SRRM3: variants seen among roughly 807,000 people sequenced by gnomAD.
The protein encoded by SRRM3 is serine/arginine repetitive matrix protein 3.
SRRM3 carries 27 observed loss-of-function variants against 66.2 expected under a neutral mutation model. That is an observed-to-expected ratio of 0.41 (90% confidence interval 0.30 to 0.56). The LOEUF (loss-of-function observed/expected upper bound fraction) is 0.56, where lower values mean the gene tolerates loss of function less well. Among genes scored for constraint, SRRM3 ranks in the 20% least tolerant of loss-of-function variants. The probability of loss-of-function intolerance (pLI) is 0.32; values close to 1 mark genes in which losing one functional copy is unlikely to be tolerated. For missense variants in SRRM3, 918 were observed against 991.9 expected, an observed-to-expected ratio of 0.93 and a Z score of 1.00; for synonymous variants, 391 against 414.9, an observed-to-expected ratio of 0.94 and a Z score of 0.70.
intron 3 of SRRM3, among the ~76,000 whole-genome samples, chr7:76,258,650 G>C (rs782189746): frequency 6.9e-5 from 10 of 144,308 alleles, no homozygotes; most frequent in Non-Finnish European, 1.5e-4. Context: ...GCAGGCGGAG[G>C]ATGCAGTGAG....
intron 1 of SRRM3, among the ~76,000 whole-genome samples, chr7:76,219,950 G>C (rs146638181): frequency 6.6e-6 from 1 of 152,108 alleles, no homozygotes; most frequent in Non-Finnish European, 1.5e-5. Context: ...GGCTGGACTC[G>C]AGGGCTTACA....
rs1302593936 is a variant in SRRM3, at chr7:76,281,711, C to T, written c.1279C>T (p.Arg427Cys). The change falls in exon 12 of 15, where the codon CGC becomes TGC. Residue 427 changes from arginine to cysteine, a missense_variant. Coordinates refer to ENST00000611745, the MANE Select transcript of SRRM3 (RefSeq NM_001110199.3). ...RGSSRSLSRA[R>C]SSSDSGSGRG... ...CTCGTCGCGCTCGCTCAGCAGGGCC[C>T]GCTCCAGCAGCGACTCCGGCAGCGG... is the stretch of plus-strand genomic sequence containing the variant. 21 of 1,199,580 alleles carry T rather than the reference C, an allele frequency of 1.8e-5. No individual in the cohort carries two copies. The highest frequency in any genetic ancestry group is 2.2e-5 in the Non-Finnish European group (21 of 962,058). 74.3% of individuals were successfully genotyped at this position (1,199,580 alleles called of 1,614,324 possible). A position where few individuals can be genotyped will look rare whatever the true frequency, so the allele number is the denominator to read the frequency against.
intron 14 of SRRM3, 34 bp downstream of exon 14, chr7:76,283,135 G>C (rs1554612272): frequency 7.3e-7 from 1 of 1,377,950 alleles, no homozygotes; most frequent in Admixed American, 2.9e-5. Context: ...GGTGGCGCAG[G>C]GCTGGGGCCG....
At chr7:76,281,392 T>A in intron 11 of SRRM3, 49 bp from the exon 12 acceptor site, 1 of 1,178,852 alleles carries the variant, frequency 8.5e-7, no homozygotes. Flanking sequence ...TCTGTCTCTC[T>A]CGTCTCCCTC....
At chr7:76,255,144 C>CTTTTTTTTTTTTTTTT (rs1309988503) in intron 3 of SRRM3, among the ~76,000 whole-genome samples, 2 of 70,314 alleles carry the variant, frequency 2.8e-5, no homozygotes, top group African/African-American at 5.7e-5. Context: ...TTCTTTCTTT[C>CTTTTTTTTTTTTTTTT]TTTCTTTTTT....
At chr7:76,213,318 C>A (rs1038566250) in intron 1 of SRRM3, among the ~76,000 whole-genome samples, 2 of 152,054 alleles carry the variant, frequency 1.3e-5, no homozygotes, top group African/African-American at 2.4e-5. Flanking sequence ...GCTTTACACC[C>A]CATTCACACT....
chr7:76,274,475 G>A (rs901187226), intron 11 of SRRM3, among the ~76,000 whole-genome samples: 4 of 152,230 alleles, frequency 2.6e-5, no homozygotes, highest in African/African-American at 9.6e-5. Context: ...GTCTCTGTGA[G>A]ACAATTTACA....
chr7:76,218,727 G>A (rs1202304288), intron 1 of SRRM3, among the ~76,000 whole-genome samples: 1 of 132,478 alleles, frequency 7.5e-6, no homozygotes, highest in Non-Finnish European at 1.5e-5. Flanking sequence ...TGCCCAGGCT[G>A]GATTGCAGTG....
intron 2 of SRRM3, among the ~76,000 whole-genome samples, chr7:76,242,173 G>T (rs1554605697): frequency 1.3e-5 from 2 of 152,046 alleles, no homozygotes; most frequent in Non-Finnish European, 2.9e-5. Flanking sequence ...TTCAGCACCA[G>T]ATACCAGTTT....
At chr7:76,205,875 A>C (rs1027001006) in intron 1 of SRRM3, among the ~76,000 whole-genome samples, 2 of 152,238 alleles carry the variant, frequency 1.3e-5, no homozygotes, top group South Asian at 4.1e-4. Flanking sequence ...CAAAGCTTGA[A>C]ACACTGGAGG....
At chr7:76,220,651 A>G (rs1286793776) in intron 1 of SRRM3, among the ~76,000 whole-genome samples, 1 of 152,146 alleles carries the variant, frequency 6.6e-6, no homozygotes, top group Admixed American at 6.5e-5. Flanking sequence ...GCATGGCTGG[A>G]CCCAGCCCTA....
chr7:76,268,926 G>A (rs28609834), intron 11 of SRRM3: 13,932 of 152,312 alleles, frequency 0.091, 1,639 homozygotes, highest in African/African-American at 0.27. Flanking sequence ...CACAGGACCC[G>A]AAACACCTTC....
rs1321802310 is a variant in SRRM3 at position 76,282,788 on chromosome 7, C to G, written c.1511C>G (p.Ser504Trp). ...CCCCGCTCCTGGAGCTCCAGCCGCT[C>G]GCCCTCCAAATCTCGCTCGCGCTCT... ...PHPRSWSSSRSPSKSRSRSAE... is the reference protein window; with the variant it reads ...PHPRSWSSSRWPSKSRSRSAE... The change falls in exon 13 of 15, where the codon TCG becomes TGG. Residue 504 changes from serine (S) to tryptophan (W), a missense_variant. Physicochemically the swap from Ser to Trp is radical, Grantham distance 177. Coordinates refer to ENST00000611745, the MANE Select transcript of SRRM3 (RefSeq NM_001110199.3). The G allele has an allele frequency of 3.4e-6, 5 of 1,466,302 alleles. No homozygotes were observed. The highest frequency in any genetic ancestry group is 2.9e-5 in the African/African-American group (2 of 68,072). 90.8% of individuals were successfully genotyped at this position (1,466,302 alleles called of 1,614,324 possible). A position where few individuals can be genotyped will look rare whatever the true frequency, so the allele number is the denominator to read the frequency against.
rs1328045638 is a variant in SRRM3, at chr7:76,286,007, G to A, written c.*164G>A. The A allele has an allele frequency of 1.4e-6, 1 of 729,976 alleles. No homozygotes were observed. Among genetic ancestry groups the A allele is most frequent in the Non-Finnish European group, 2.3e-6 (1 of 442,316 alleles). 45.2% of individuals were successfully genotyped at this position (729,976 alleles called of 1,614,324 possible). ...GGGACCGGGGAAGACTTTGAGGGTG[G>A]GCATCCAGTGGACAAGGAGAAGCCA... On this transcript the variant is annotated 3_prime_UTR_variant, in exon 15 of 15. Coordinates refer to ENST00000611745, the MANE Select transcript of SRRM3 (RefSeq NM_001110199.3).
At chr7:76,279,638 A>G (rs1477751990) in intron 11 of SRRM3, among the ~76,000 whole-genome samples, 2 of 151,992 alleles carry the variant, frequency 1.3e-5, no homozygotes, top group Non-Finnish European at 2.9e-5. Flanking sequence ...ACCAGGAAGC[A>G]AAAGCCAACC....
chr7:76,242,521 G>A (rs1377259174), intron 2 of SRRM3, among the ~76,000 whole-genome samples: 15 of 152,038 alleles, frequency 9.9e-5, no homozygotes, highest in African/African-American at 2.2e-4. Flanking sequence ...TGGACTAGGC[G>A]GGGTGGTGGG....
intron 3 of SRRM3, among the ~76,000 whole-genome samples, chr7:76,250,449 G>A (rs1272779029): frequency 1.4e-4 from 21 of 152,018 alleles, no homozygotes. Flanking sequence ...GGCCAGGCTG[G>A]TCTCGAACTC....
intron 2 of SRRM3, among the ~76,000 whole-genome samples, chr7:76,246,018 T>A (rs1175646313): frequency 6.6e-6 from 1 of 152,118 alleles, no homozygotes; most frequent in Admixed American, 6.6e-5. Flanking sequence ...ATTCATTCTA[T>A]TTTTTGTATC....
In SRRM3 at chr7:76,235,194, A is replaced by C. The variant is rs754965049; in HGVS notation, c.128A>C (p.Glu43Ala). The change falls in exon 2 of 15, where the codon GAG becomes GCG. Residue 43 changes from glutamate (E) to alanine (A), a missense_variant. By Grantham distance (107) the Glu-to-Ala change is moderately radical. Coordinates refer to ENST00000611745, the MANE Select transcript of SRRM3 (RefSeq NM_001110199.3). The stretch of plus-strand genomic sequence containing the variant: ...GCGGAAGAGGAGCTGCGCGCCGCGG[A>C]GCCGGGCCTGGTGAAGCGCGCGCAC... ...PRAEEELRAA[E>A]PGLVKRAHRE... 3 of 1,549,708 alleles carry C rather than the reference A, an allele frequency of 1.9e-6. No individual in the cohort carries two copies. The highest frequency in any genetic ancestry group is 1.4e-5 in the African/African-American group (1 of 73,226).
Sources: allele counts gnomAD v4.1 joint callset (sites outside exome capture counted in the v4.1 genomes callset), GRCh38; gene constraint gnomAD v4.1.1; transcripts MANE v1.5; gene names NCBI Gene and HGNC (gene_info 2026-07-23, HGNC 2026-07-21).